CDH4: variants seen among roughly 807,000 people sequenced by gnomAD.
The protein encoded by CDH4 is cadherin-4.
Under a neutral mutation model 86.0 loss-of-function variants are expected in CDH4, and 33 were observed. The ratio of observed to expected loss-of-function variants is 0.38; its 90% CI spans 0.29 to 0.51. The LOEUF is 0.51. Among genes scored for constraint, CDH4 ranks in the 20% least tolerant of loss-of-function variants. CDH4 has a pLI of 0.86. For missense variants in CDH4, 1,114 were observed against 1,307.4 expected (o/e 0.85, Z 2.28); for synonymous variants, 555 against 549.4 (o/e 1.01, Z -0.14).
chr20:61,547,825 G>C lies in CDH4; in HGVS notation c.170-195738G>C, dbSNP rs1393660289. 8.5e-5 allele frequency among the ~76,000 whole-genome samples: 13 copies of C among 152,348 alleles called. No homozygotes were observed. In the East Asian group the frequency reaches 2.5e-3, roughly 29 times the overall value. On this transcript the variant is annotated intron_variant, in intron 2 of 15. Coordinates refer to ENST00000614565, the MANE Select transcript of CDH4 (RefSeq NM_001794.5). ...CATGCATGGACATGTGTGCATGCCT[G>C]CACATACACGCACATATGTGTAAAG... is the stretch of plus-strand genomic sequence containing the variant.
chr20:61,741,579 C>T (rs1284155873), intron 2 of CDH4, among the ~76,000 whole-genome samples: 3 of 151,964 alleles, frequency 2.0e-5, no homozygotes, highest in Non-Finnish European at 4.4e-5. Context: ...GCAAGCTCCT[C>T]CTCCCAGGTT....
intron 2 of CDH4, among the ~76,000 whole-genome samples, chr20:61,554,464 C>G (rs974986913): frequency 2.0e-5 from 3 of 152,198 alleles, no homozygotes; most frequent in Non-Finnish European, 4.4e-5. Flanking sequence ...GTTAATTGTT[C>G]AAAGTCACAT....
chr20:61,638,953 G>A (rs2086977243), intron 2 of CDH4, among the ~76,000 whole-genome samples: 1 of 152,208 alleles, frequency 6.6e-6, no homozygotes, highest in African/African-American at 2.4e-5. Context: ...GTCACTCATG[G>A]CGTTGTGATA....
intron 2 of CDH4, among the ~76,000 whole-genome samples, chr20:61,373,023 C>G (rs1444195322): frequency 6.6e-6 from 1 of 152,226 alleles, no homozygotes; most frequent in Non-Finnish European, 1.5e-5. Flanking sequence ...ATAAAAAGTA[C>G]TTTTCATAAA....
At chr20:61,444,004 A>G (rs368373764) in intron 2 of CDH4, among the ~76,000 whole-genome samples, 1 of 140,222 alleles carries the variant, frequency 7.1e-6, no homozygotes, top group Non-Finnish European at 1.5e-5. Context: ...ATATGTGTCT[A>G]TATCTGTGTG....
chr20:61,433,507 TAA>T (rs11204456), intron 2 of CDH4, among the ~76,000 whole-genome samples: 152 of 149,044 alleles, frequency 1.0e-3, no homozygotes, highest in African/African-American at 3.2e-3. Flanking sequence ...ACTTGTCATG[TAA>T]AAAAAAAAAA....
chr20:61,647,548 T>TCTCTCTCTCTCTCTCTCTCTCTCTCC lies in CDH4; in HGVS notation c.170-96012_170-96011insTCTCTCTCTCTCTCTCTCTCTCCCTC, dbSNP rs1555818888. Among the ~76,000 whole-genome samples, 3 of 108,580 alleles carry TCTCTCTCTCTCTCTCTCTCTCTCTCC rather than the reference T, an allele frequency of 2.8e-5. 1 individual carries two copies. Among genetic ancestry groups the TCTCTCTCTCTCTCTCTCTCTCTCTCC allele is most frequent in the South Asian group, 2.7e-4 (1 of 3,658 alleles). 71.2% of individuals were successfully genotyped at this position (108,580 alleles called of 152,430 possible). ...TATTCTCTCTCCCTCTCCCTCTCCC[T>TCTCTCTCTCTCTCTCTCTCTCTCTCC]CTCCCTCTCCCTCTCCCTCTCCCTC... On this transcript the variant is annotated intron_variant, in intron 2 of 15. Transcript: ENST00000614565.
chr20:61,793,824 G>C (rs1206883283), intron 4 of CDH4, among the ~76,000 whole-genome samples: 9 of 134,316 alleles, frequency 6.7e-5, no homozygotes, highest in African/African-American at 2.5e-4. Context: ...GGGCGACAGA[G>C]TGAGACTGCA....
intron 6 of CDH4, among the ~76,000 whole-genome samples, chr20:61,866,622 C>T (rs549009943): frequency 2.6e-5 from 4 of 152,272 alleles, no homozygotes; most frequent in South Asian, 2.1e-4. Context: ...TAAAGATGTA[C>T]GATCCAGACC....
chr20:61,650,843 T>C lies in CDH4; in HGVS notation c.170-92720T>C, dbSNP rs542085622. 2.0e-5 allele frequency among the ~76,000 whole-genome samples: 3 copies of C among 152,380 alleles called. No individual in the cohort carries two copies. The East Asian group carries it at 5.8e-4, about 29-fold the overall frequency. ...TCTCTCTTGCTGGTGTGAGATGTAT[T>C]TCATGTAGATATTAGCAGGGGGTTT... On this transcript the variant is annotated intron_variant, in intron 2 of 15. Coordinates refer to ENST00000614565, the MANE Select transcript of CDH4 (RefSeq NM_001794.5).
intron 2 of CDH4, among the ~76,000 whole-genome samples, chr20:61,560,936 G>A (rs576406775): frequency 3.3e-5 from 5 of 152,216 alleles, no homozygotes; most frequent in African/African-American, 4.8e-5. Flanking sequence ...CGGGGTCACC[G>A]CTGTGACCAG....
At chr20:61,651,449 C>T (rs1348038813) in intron 2 of CDH4, among the ~76,000 whole-genome samples, 1 of 152,252 alleles carries the variant, frequency 6.6e-6, no homozygotes, top group Non-Finnish European at 1.5e-5. Context: ...TCCTCTCCTT[C>T]TGCCGCTTTC....
chr20:61,395,314 TA>T (rs1394597986), intron 2 of CDH4, among the ~76,000 whole-genome samples: 1 of 152,184 alleles, frequency 6.6e-6, no homozygotes, highest in African/African-American at 2.4e-5. Context: ...ACATTCAACA[TA>T]AATTGACATG....
At chr20:61,815,036 C>T (rs1005300322) in intron 4 of CDH4, among the ~76,000 whole-genome samples, 5 of 152,140 alleles carry the variant, frequency 3.3e-5, no homozygotes, top group Non-Finnish European at 7.4e-5. Context: ...CCTGGCTTTC[C>T]GGGAACCCTG....
intron 2 of CDH4, among the ~76,000 whole-genome samples, chr20:61,280,395 G>A (rs572398587): frequency 1.8e-4 from 28 of 152,298 alleles, no homozygotes; most frequent in Middle Eastern, 6.8e-3. Flanking sequence ...AGGCGGGGGC[G>A]TGTGACGCGT....
chr20:61,895,488 C>A (rs900994896), intron 8 of CDH4, among the ~76,000 whole-genome samples: 2 of 152,216 alleles, frequency 1.3e-5, no homozygotes, highest in African/African-American at 4.8e-5. Flanking sequence ...TGTGACTGGG[C>A]CCCATACCGG....
At chr20:61,685,984 TTG>T (rs1255975710) in intron 2 of CDH4, among the ~76,000 whole-genome samples, 1 of 152,172 alleles carries the variant, frequency 6.6e-6, no homozygotes, top group Non-Finnish European at 1.5e-5. Flanking sequence ...TCAGAGAAAA[TTG>T]TGCAGTTCTT....
At chr20:61,364,578 G>C (rs1475481652) in intron 2 of CDH4, among the ~76,000 whole-genome samples, 2 of 152,226 alleles carry the variant, frequency 1.3e-5, no homozygotes, top group African/African-American at 4.8e-5. Flanking sequence ...CACCTAGCCA[G>C]GTCACAGCTC....
At chr20:61,836,309 C>G (rs1176794289) in intron 4 of CDH4, among the ~76,000 whole-genome samples, 1 of 152,236 alleles carries the variant, frequency 6.6e-6, no homozygotes, top group Admixed American at 6.5e-5. Flanking sequence ...AGGTGCCTCT[C>G]TCTGTTAATT....
Sources: gnomAD v4.1 joint callset for allele counts (sites outside exome capture counted in the v4.1 genomes callset) on GRCh38, gnomAD v4.1.1 for gene constraint, MANE v1.5 for transcripts, NCBI Gene and HGNC (gene_info 2026-07-23, HGNC 2026-07-21) for gene names.